The following CD22 variants were observed in gnomAD, a reference collection of about 807,000 sequenced individuals.
The protein encoded by CD22 is B-cell receptor CD22.
CD22 carries 51 observed loss-of-function variants against 94.7 expected under a neutral mutation model. The ratio of observed to expected loss-of-function variants is 0.54; its 90% confidence interval spans 0.43 to 0.68. CD22 has a LOEUF of 0.68. Ranked by LOEUF, CD22 falls within the 30% of genes least tolerant of loss-of-function variation. The probability of loss-of-function intolerance (pLI) is 0.00; values close to 1 mark genes in which losing one functional copy is unlikely to be tolerated. For missense variants in CD22, 931 were observed against 1,060.4 expected (o/e 0.88, Z 1.69); for synonymous variants, 424 against 422.5 (o/e 1.00, Z -0.04).
rs1039619807 is a variant in CD22 at position 35,341,205 on chromosome 19, C to T, written c.1507+67C>T. On this transcript the variant is annotated intron_variant, in intron 7 of 13. Coordinates refer to ENST00000085219, the MANE Select transcript of CD22 (RefSeq NM_001771.4). This position sits in a 1 kb window ranked among gnomAD's most constrained non-coding sequence, Gnocchi z 4.0. ...GGCTGGGATGAGGGGATGAAGGCAA[C>T]GAGGCCGGAGCCTGGGCCAGTGTCT... 22 of 1,606,560 alleles carry T rather than the reference C, an allele frequency of 1.4e-5. No individual in the cohort carries two copies. Among genetic ancestry groups the T allele is most frequent in the South Asian group, 5.5e-5 (5 of 90,658 alleles).
chr19:35,345,568 G>T, intron 11 of CD22, 34 bp from the exon 12 acceptor site: 1 of 1,360,052 alleles, frequency 7.4e-7, no homozygotes, highest in Non-Finnish European at 1.1e-6. Context: ...TTGGGGAACA[G>T]GTGGTTAGCA....
intron 11 of CD22, 142 bp downstream of exon 11, chr19:35,345,268 A>G: frequency 1.4e-6 from 1 of 703,608 alleles, no homozygotes; most frequent in Non-Finnish European, 2.5e-6. Flanking sequence ...AAATATTTTA[A>G]AAATTAGCCG....
intron 3 of CD22, among the ~76,000 whole-genome samples, chr19:35,334,102 C>T (rs545377552): frequency 4.6e-5 from 7 of 152,264 alleles, no homozygotes; most frequent in Non-Finnish European, 5.9e-5. Flanking sequence ...TCAAATCTGA[C>T]CTGACTTTGA....
rs757623667 is a variant in CD22 at position 35,332,738 on chromosome 19, C to G, written c.226C>G (p.Leu76Val). ...CACCTCGAAGTTTGATGGGACAAGA[C>G]TCTATGAAAGCACAAAGGATGGGAA... ...KNTSKFDGTR[L>V]YESTKDGKVP... The change falls in exon 3 of 14, where the codon CTC becomes GTC. Residue 76 changes from leucine (L) to valine (V), a missense_variant. Physicochemically the swap from Leu to Val is conservative, Grantham distance 32. Coordinates refer to ENST00000085219, the MANE Select transcript of CD22 (RefSeq NM_001771.4). The G allele has an allele frequency of 4.3e-6, 7 of 1,614,168 alleles. No homozygotes were observed. Among genetic ancestry groups the G allele is most frequent in the South Asian group, 1.1e-5 (1 of 91,086 alleles).
In CD22 at chr19:35,345,127, G is replaced by T; in HGVS notation, c.2208+1G>T. On this transcript the variant is annotated splice_donor_variant, in intron 11 of 13. Transcript: ENST00000085219. LOFTEE classifies it high-confidence loss of function. ...GAGCTTCTTTGTGAGGAATAAAAAGGTAGGATGGGGCTGGGCACGATGGCT... is the reference window on the plus strand; with the variant it reads ...GAGCTTCTTTGTGAGGAATAAAAAGTTAGGATGGGGCTGGGCACGATGGCT... 1.2e-6 allele frequency: 2 copies of T among 1,613,642 alleles called. No homozygotes were observed. The highest frequency in any genetic ancestry group is 1.7e-6 in the Non-Finnish European group (2 of 1,179,792).
chr19:35,342,841 C>T (rs1174489432), intron 9 of CD22, among the ~76,000 whole-genome samples: 2 of 151,910 alleles, frequency 1.3e-5, no homozygotes, highest in East Asian at 1.9e-4. Context: ...AACGGAGTCT[C>T]GATCTGTCAC....
chr19:35,342,169 CCTT>C (rs781725895), intron 9 of CD22, among the ~76,000 whole-genome samples: 38 of 150,838 alleles, frequency 2.5e-4, no homozygotes, highest in South Asian at 2.1e-4. Context: ...CCTTCTCCTT[CCTT>C]CTTCTTCTTC....
Position 35,337,788 on chromosome 19 carries a change from G to A in CD22, c.752G>A (p.Ser251Asn). 3 of 1,609,718 alleles carry A rather than the reference G, an allele frequency of 1.9e-6. No individual in the cohort carries two copies. The highest frequency in any genetic ancestry group is 1.7e-6 in the Non-Finnish European group (2 of 1,176,488). ...AAGTTGGAGATCAAGGTCACTCCCA[G>A]TGATGCCATAGTGAGGGAGGGGGAC... is the stretch of plus-strand genomic sequence containing the variant. ...TPKLEIKVTP[S>N]DAIVREGDSV... The change falls in exon 5 of 14, where the codon AGT (serine) becomes AAT (asparagine). Residue 251 changes from serine to asparagine, a missense_variant. Ser to Asn is a conservative substitution (Grantham distance 46, BLOSUM62 1). Coordinates refer to ENST00000085219, the MANE Select transcript of CD22 (RefSeq NM_001771.4). The surrounding 1 kb of genome is among the most constrained non-coding windows in gnomAD (Gnocchi z 4.4).
rs754318380 is a variant in CD22 at position 35,337,860 on chromosome 19, C to G, written c.824C>G (p.Thr275Arg). 6.2e-7 allele frequency: 1 copy of G among 1,614,150 alleles called. No individual in the cohort carries two copies. The highest frequency in any genetic ancestry group is 1.1e-5 in the South Asian group (1 of 91,078). The change falls in exon 5 of 14, where the codon ACG becomes AGG. Residue 275 changes from threonine to arginine, a missense_variant. Physicochemically the swap from Thr to Arg is moderately conservative, Grantham distance 71 (BLOSUM62 -1). Coordinates refer to ENST00000085219, the MANE Select transcript of CD22 (RefSeq NM_001771.4). The surrounding 1 kb of genome is among the most constrained non-coding windows in gnomAD (Gnocchi z 4.4). ...CEVSSSNPEYTTVSWLKDGTS... is the reference protein window; with the variant it reads ...CEVSSSNPEYRTVSWLKDGTS... The stretch of plus-strand genomic sequence containing the variant: ...GTCAGCAGCAGCAACCCGGAGTACA[C>G]GACGGTATCCTGGCTCAAGGATGGG...
At chr19:35,346,457 C>G (rs906754392) in intron 13 of CD22, 109 bp from the exon 14 acceptor site, 2 of 1,451,238 alleles carry the variant, frequency 1.4e-6, no homozygotes, top group African/African-American at 2.8e-5. Context: ...CGAGGACACC[C>G]GCCTGGGCTT....
At chr19:35,339,167 T>G (rs962217890) in intron 6 of CD22, among the ~76,000 whole-genome samples, 2 of 151,788 alleles carry the variant, frequency 1.3e-5, no homozygotes, top group Non-Finnish European at 2.9e-5. Flanking sequence ...GCCCAGGAAG[T>G]GAAGGCTGCA....
chr19:35,345,173 T>G, intron 11 of CD22, 47 bp downstream of exon 11: 1 of 1,546,508 alleles, frequency 6.5e-7, no homozygotes, highest in South Asian at 1.1e-5. Flanking sequence ...ATCCCAGCAC[T>G]TTGGGAGGCT....
intron 1 of CD22, chr19:35,329,511 G>A: frequency 5.9e-6 from 2 of 340,512 alleles, no homozygotes; most frequent in South Asian, 4.5e-5. Context: ...CAACAGGCCT[G>A]GACTGAGGAG....
chr19:35,345,105 C>G lies in CD22; in HGVS notation c.2187C>G (p.Ser729Arg). 1.2e-6 allele frequency: 2 copies of G among 1,613,864 alleles called. No homozygotes were observed. Among genetic ancestry groups the G allele is most frequent in the Non-Finnish European group, 1.7e-6 (2 of 1,179,952 alleles). The change falls in exon 11 of 14, where the codon AGC (serine) becomes AGG (arginine). Residue 729 changes from serine (S) to arginine (R), a missense_variant. Transcript: ENST00000085219. Reference protein sequence around the residue: ...QGLQENSSGQSFFVRNKKVRR... With the variant: ...QGLQENSSGQRFFVRNKKVRR... ...TTCAGGAGAATTCCAGCGGCCAGAG[C>G]TTCTTTGTGAGGAATAAAAAGGTAG... is the stretch of plus-strand genomic sequence containing the variant.
rs746198258 is a variant in CD22 at position 35,345,145 on chromosome 19, C to G, written c.2208+19C>G. 17 of 1,610,196 alleles carry G rather than the reference C, an allele frequency of 1.1e-5. No individual in the cohort carries two copies. The East Asian group carries it at 1.3e-4, about 13-fold the overall frequency. ...TAAAAAGGTAGGATGGGGCTGGGCA[C>G]GATGGCTCATGCCTGTAATCCCAGC... On this transcript the variant is annotated intron_variant, in intron 11 of 13. Coordinates refer to ENST00000085219, the MANE Select transcript of CD22 (RefSeq NM_001771.4).
chr19:35,336,494 C>A, intron 4 of CD22, 153 bp downstream of exon 4: 1 of 659,710 alleles, frequency 1.5e-6, no homozygotes, highest in East Asian at 2.7e-5. Flanking sequence ...CCTGGTGTTT[C>A]GGGAAAAAGA....
At position 35,337,512 on chromosome 19, in the gene CD22, G is replaced by A. The variant is rs150213123; in HGVS notation, c.719-243G>A. 9.1e-3 allele frequency among the ~76,000 whole-genome samples: 1,380 copies of A among 152,256 alleles called. 11 individuals carry two copies. The highest frequency in any genetic ancestry group is 0.061 in the Middle Eastern group (18 of 294). On this transcript the variant is annotated intron_variant, in intron 4 of 13. Coordinates refer to ENST00000085219, the MANE Select transcript of CD22 (RefSeq NM_001771.4). This position sits in a 1 kb window ranked among gnomAD's most constrained non-coding sequence, Gnocchi z 4.4. ...TCTATGCAAAGCACAGAACCCGCTC[G>A]TGGTTTCCAGCAGGATTGGCGAGGT...
intron 3 of CD22, 149 bp from the exon 4 acceptor site, chr19:35,335,887 A>G (rs570486143): frequency 4.5e-6 from 3 of 668,062 alleles, no homozygotes; most frequent in Non-Finnish European, 7.7e-6. Context: ...AACAACAATA[A>G]CAACAAAAAA....
In CD22 at chr19:35,337,704, A is replaced by T. The variant is rs778506940; in HGVS notation, c.719-51A>T. 1 of 1,516,768 alleles carries T rather than the reference A, an allele frequency of 6.6e-7. No individual in the cohort carries two copies. Among genetic ancestry groups the T allele is most frequent in the Non-Finnish European group, 9.0e-7 (1 of 1,112,392 alleles). The allele number at this position is 1,516,768 out of a possible 1,614,324, so 94.0% of individuals were successfully genotyped here. ...AATAAAAGCACTTTCCACACCCTCCACCCTCTGAGGATTCCCCGCCCCCTC... is the reference window on the plus strand; with the variant it reads ...AATAAAAGCACTTTCCACACCCTCCTCCCTCTGAGGATTCCCCGCCCCCTC... On this transcript the variant is annotated intron_variant, in intron 4 of 13. Coordinates refer to ENST00000085219, the MANE Select transcript of CD22 (RefSeq NM_001771.4). This position sits in a 1 kb window ranked among gnomAD's most constrained non-coding sequence, Gnocchi z 4.4.
Sources: allele counts gnomAD v4.1 joint callset (sites outside exome capture counted in the v4.1 genomes callset), GRCh38; gene constraint gnomAD v4.1.1; non-coding constraint Gnocchi (gnomAD v3.1); transcripts MANE v1.5; gene names NCBI Gene and HGNC (gene_info 2026-07-23, HGNC 2026-07-21).